Variants in DOCK2 observed in about 807,000 individuals in gnomAD.
The protein encoded by DOCK2 is dedicator of cytokinesis protein 2.
DOCK2 carries 87 observed loss-of-function variants against 248.9 expected under a neutral mutation model. The ratio of observed to expected loss-of-function variants is 0.35; its 90% CI spans 0.29 to 0.42. The LOEUF (loss-of-function observed/expected upper bound fraction) is 0.42, where lower values mean the gene tolerates loss of function less well. Among genes scored for constraint, DOCK2 ranks in the 10% least tolerant of loss-of-function variants. DOCK2 has a pLI of 1.00. For synonymous variants in DOCK2, 805 were observed against 821.6 expected (o/e 0.98, Z 0.35); for missense variants, 1,747 against 2,300.2 (o/e 0.76, Z 4.92).
chr5:169,997,769 T>C (rs556444317), intron 30 of DOCK2, among the ~76,000 whole-genome samples: 1 of 151,444 alleles, frequency 6.6e-6, no homozygotes, highest in South Asian at 2.1e-4. Flanking sequence ...CAAAATGGAG[T>C]CTCCTATGTC....
rs1165289952 is a variant in DOCK2 at position 169,763,898 on chromosome 5, G to A, written c.2554+2273G>A. On this transcript the variant is annotated intron_variant, in intron 25 of 51. Transcript: ENST00000520908. The surrounding 1 kb of genome is among the most constrained non-coding windows in gnomAD (Gnocchi z 4.1). ...GTATGACCTTATTCACAGCTGAAAG[G>A]TAACTCCTCTCCCACCATCTATTTG... 6.6e-6 allele frequency among the ~76,000 whole-genome samples: 1 copy of A among 152,210 alleles called. No individual in the cohort carries two copies. Among genetic ancestry groups the A allele is most frequent in the Non-Finnish European group, 1.5e-5 (1 of 68,032 alleles).
At chr5:169,840,899 T>A in intron 27 of DOCK2, 47 bp downstream of exon 27, 1 of 1,587,456 alleles carries the variant, frequency 6.3e-7, no homozygotes, top group East Asian at 2.3e-5. Context: ...CTCTTCAGCA[T>A]CTAAAAATGG....
intron 27 of DOCK2, among the ~76,000 whole-genome samples, chr5:169,869,274 A>G (rs916656808): frequency 6.6e-6 from 1 of 152,202 alleles, no homozygotes. Flanking sequence ...GCAGGGTTTC[A>G]TTATAATCAC....
At chr5:170,027,971 AG>A in intron 34 of DOCK2, 23 bp downstream of exon 34, 1 of 1,599,102 alleles carries the variant, frequency 6.3e-7, no homozygotes, top group Non-Finnish European at 8.5e-7. Flanking sequence ...CCCTGTGTGT[AG>A]GAACAGCCTG....
In DOCK2 at chr5:169,654,425, C is replaced by T. The variant is rs760709796; in HGVS notation, c.66C>T (p.Ser22=). The T allele has an allele frequency of 6.8e-6, 11 of 1,613,938 alleles. No individual in the cohort carries two copies. The highest frequency in any genetic ancestry group is 3.3e-5 in the Admixed American group (2 of 59,992). ...HGVAIYNFQG[S]GAPQLSLQIG... The stretch of plus-strand genomic sequence containing the variant: ...CAGCCATATACAACTTCCAAGGCAG[C>T]GGAGCCCCCCAGCTCTCCCTGCAGA... The change falls in exon 2 of 52, where the codon AGC becomes AGT. Residue 22 remains serine, a synonymous_variant. Transcript: ENST00000520908.
intron 44 of DOCK2, among the ~76,000 whole-genome samples, chr5:170,067,131 G>T (rs142291084): frequency 6.6e-6 from 1 of 152,136 alleles, no homozygotes; most frequent in Non-Finnish European, 1.5e-5. Flanking sequence ...TGCCCACATC[G>T]CAAGCTGCTC....
intron 25 of DOCK2, among the ~76,000 whole-genome samples, chr5:169,792,740 A>G (rs915318749): frequency 1.3e-5 from 2 of 152,324 alleles, no homozygotes; most frequent in African/African-American, 4.8e-5. Context: ...CCAACAGCCC[A>G]AACTGCATTC....
At chr5:169,879,598 G>A (rs1179820202) in intron 27 of DOCK2, among the ~76,000 whole-genome samples, 1 of 152,236 alleles carries the variant, frequency 6.6e-6, no homozygotes, top group East Asian at 1.9e-4. Flanking sequence ...AACCAGGGGT[G>A]TAACTTAATT....
chr5:169,991,760 C>T (rs1778215842), intron 29 of DOCK2, among the ~76,000 whole-genome samples: 1 of 152,238 alleles, frequency 6.6e-6, no homozygotes, highest in South Asian at 2.1e-4. Flanking sequence ...TTCTGGTTAA[C>T]TGAAAACACT....
At chr5:170,038,458 C>T (rs1756397436) in intron 36 of DOCK2, among the ~76,000 whole-genome samples, 1 of 152,072 alleles carries the variant, frequency 6.6e-6, no homozygotes, top group Non-Finnish European at 1.5e-5. Context: ...AATTGGCTGC[C>T]AACATTTAAA....
chr5:169,844,606 C>T (rs1188681037), intron 27 of DOCK2, among the ~76,000 whole-genome samples: 2 of 152,242 alleles, frequency 1.3e-5, no homozygotes, highest in African/African-American at 4.8e-5. Context: ...TTTGTTTACC[C>T]ACATCCCCAC....
chr5:169,995,037 T>A lies in DOCK2; in HGVS notation c.2994-1049T>A, dbSNP rs1383785822. 2.6e-3 allele frequency among the ~76,000 whole-genome samples: 385 copies of A among 149,802 alleles called. 2 individuals are homozygous for A. The highest frequency in any genetic ancestry group is 6.8e-3 in the Middle Eastern group (2 of 294). The stretch of plus-strand genomic sequence containing the variant: ...CAGTATTGTTATTTTTTATTTTTTT[T>A]TTTTTTTTTTTGAGAGAGACTCTCA... On this transcript the variant is annotated intron_variant, in intron 29 of 51. Coordinates refer to ENST00000520908, the MANE Select transcript of DOCK2 (RefSeq NM_004946.3).
intron 27 of DOCK2, among the ~76,000 whole-genome samples, chr5:169,898,942 G>A (rs757683283): frequency 6.6e-6 from 1 of 152,138 alleles, no homozygotes. Context: ...GTGGTAGAAT[G>A]GTGGATTCAA....
At chr5:170,080,133 T>A in intron 49 of DOCK2, 30 bp from the exon 50 acceptor site, 1 of 1,613,150 alleles carries the variant, frequency 6.2e-7, no homozygotes, top group Non-Finnish European at 8.5e-7. Flanking sequence ...TCTTTGTGTG[T>A]GTGTGTGTGT....
intron 27 of DOCK2, among the ~76,000 whole-genome samples, chr5:169,964,725 G>T (rs570003201): frequency 6.6e-6 from 1 of 152,350 alleles, no homozygotes; most frequent in African/African-American, 2.4e-5. Context: ...TTGGTGCCAT[G>T]TAGTAGCTGA....
chr5:169,666,516 T>A (rs776202190), intron 2 of DOCK2, among the ~76,000 whole-genome samples: 2 of 152,242 alleles, frequency 1.3e-5, no homozygotes, highest in Non-Finnish European at 2.9e-5. Context: ...CTGCTTTTGA[T>A]CATGGTGTCC....
At chr5:169,919,627 G>A (rs190580752) in intron 27 of DOCK2, among the ~76,000 whole-genome samples, 134 of 152,274 alleles carry the variant, frequency 8.8e-4, no homozygotes, top group African/African-American at 3.0e-3. Context: ...TTTCCCTGGC[G>A]TATTTTTGTG....
chr5:170,056,794 A>G, intron 43 of DOCK2, 26 bp downstream of exon 43: 1 of 1,606,136 alleles, frequency 6.2e-7, no homozygotes, highest in Non-Finnish European at 8.5e-7. Flanking sequence ...ACCCTTGATC[A>G]TTCCCTGGAG....
intron 27 of DOCK2, among the ~76,000 whole-genome samples, chr5:169,908,641 G>A (rs1390894636): frequency 6.6e-6 from 1 of 151,884 alleles, no homozygotes; most frequent in Non-Finnish European, 1.5e-5. Flanking sequence ...GCAAAACTAA[G>A]GATACAGTGA....
Sources: gnomAD v4.1 joint callset for allele counts (sites outside exome capture counted in the v4.1 genomes callset) on GRCh38, gnomAD v4.1.1 for gene constraint, Gnocchi (gnomAD v3.1) non-coding constraint, MANE v1.5 for transcripts, NCBI Gene and HGNC (gene_info 2026-07-23, HGNC 2026-07-21) for gene names.